The following SLC36A3 variants were observed in gnomAD, a reference collection of about 807,000 sequenced individuals.
SLC36A3 encodes the protein solute carrier family 36 member 3.
Under a neutral mutation model 44.3 loss-of-function variants are expected in SLC36A3, and 35 were observed. The ratio of observed to expected loss-of-function variants is 0.79; its 90% CI spans 0.60 to 1.05. The LOEUF (loss-of-function observed/expected upper bound fraction) is 1.05. Ranked by LOEUF, SLC36A3 falls within the 50% of genes least tolerant of loss-of-function variation. The pLI is 0.00. For synonymous variants in SLC36A3, 211 were observed against 227.6 expected (o/e 0.93, Z 0.66); for missense variants, 540 against 578.7 (o/e 0.93, Z 0.69).
intron 4 of SLC36A3, among the ~76,000 whole-genome samples, chr5:151,289,303 C>T (rs923905151): frequency 1.3e-5 from 2 of 151,830 alleles, no homozygotes; most frequent in African/African-American, 4.8e-5. Flanking sequence ...TTAGTATTAT[C>T]CCAATTCTCT....
chr5:151,290,171 G>A (rs1194262232), intron 4 of SLC36A3, among the ~76,000 whole-genome samples: 1 of 152,070 alleles, frequency 6.6e-6, no homozygotes, highest in Non-Finnish European at 1.5e-5. Context: ...CAAATTTGGA[G>A]ATGCATTTTT....
At chr5:151,300,606 A>G (rs919528972) in intron 1 of SLC36A3, among the ~76,000 whole-genome samples, 1 of 152,092 alleles carries the variant, frequency 6.6e-6, no homozygotes, top group Non-Finnish European at 1.5e-5. Context: ...CCCTATTTGA[A>G]TCAGATATTG....
intron 9 of SLC36A3, among the ~76,000 whole-genome samples, chr5:151,279,938 T>C (rs1237614706): frequency 6.6e-6 from 1 of 152,230 alleles, no homozygotes; most frequent in Non-Finnish European, 1.5e-5. Context: ...TGTGGAAATT[T>C]CCTGAGACTT....
Position 151,287,336 on chromosome 5 carries a change from G to T in SLC36A3, c.618C>A (p.Ile206=), listed in dbSNP as rs746700901. 33 of 1,614,050 alleles carry T rather than the reference G, an allele frequency of 2.0e-5. No homozygotes were observed. Among genetic ancestry groups the T allele is most frequent in the Non-Finnish European group, 2.8e-5 (33 of 1,180,040 alleles). The part of the protein sequence containing the change: ...ILPFLILLVF[I]QNLKVLSVFS... The stretch of plus-strand genomic sequence containing the variant: ...AGACGGACAGCACCTTGAGGTTCTG[G>T]ATAAACACCAACAGGATCAGGAAGG... Residue 206 remains isoleucine, a synonymous_variant, in exon 6 of 10, where the codon ATC becomes ATA. Transcript: ENST00000335230.
At chr5:151,293,108 T>C (rs527396662) in intron 4 of SLC36A3, among the ~76,000 whole-genome samples, 35 of 152,210 alleles carry the variant, frequency 2.3e-4, no homozygotes, top group Non-Finnish European at 4.1e-4. Flanking sequence ...AGAAAGCAAA[T>C]TATGTACTTC....
At chr5:151,289,285 A>G (rs922607059) in intron 4 of SLC36A3, among the ~76,000 whole-genome samples, 8 of 152,112 alleles carry the variant, frequency 5.3e-5, no homozygotes, top group African/African-American at 1.7e-4. Flanking sequence ...CTCTTACATA[A>G]AAATGAGTTA....
At chr5:151,280,715 A>C (rs1460852380) in intron 9 of SLC36A3, among the ~76,000 whole-genome samples, 1 of 152,206 alleles carries the variant, frequency 6.6e-6, no homozygotes, top group African/African-American at 2.4e-5. Flanking sequence ...GGCTATCATC[A>C]GTATTGGATA....
intron 4 of SLC36A3, 46 bp downstream of exon 4, chr5:151,293,318 A>G (rs1754828471): frequency 1.3e-6 from 2 of 1,492,540 alleles, no homozygotes; most frequent in African/African-American, 1.4e-5. Context: ...AAGAAAAGTG[A>G]TATGATGATT....
Position 151,284,073 on chromosome 5 carries a change from G to T in SLC36A3, c.945C>A (p.Ala315=). 1 of 1,613,468 alleles carries T rather than the reference G, an allele frequency of 6.2e-7. No individual in the cohort carries two copies. The highest frequency in any genetic ancestry group is 8.5e-7 in the Non-Finnish European group (1 of 1,179,802). ...AATTGGGCAAGTTGAGGGTGATGCT[G>T]GCCTGGGTGTCTGACCCAAACTTCA... ...GYMKFGSDTQ[A]SITLNLPNCW... The change falls in exon 8 of 10, where the codon GCC becomes GCA. Residue 315 remains alanine (A), a synonymous_variant. Coordinates refer to ENST00000335230, the MANE Select transcript of SLC36A3 (RefSeq NM_181774.4).
chr5:151,293,558 A>G, intron 3 of SLC36A3, 99 bp from the exon 4 acceptor site: 1 of 945,726 alleles, frequency 1.1e-6, no homozygotes, highest in Admixed American at 2.7e-5. Flanking sequence ...GTGTGTGAGC[A>G]TGAAGCCTTC....
chr5:151,293,145 T>A (rs1754820449), intron 4 of SLC36A3, among the ~76,000 whole-genome samples: 1 of 152,172 alleles, frequency 6.6e-6, no homozygotes, highest in Non-Finnish European at 1.5e-5. Flanking sequence ...TTGATGTACA[T>A]GTAGAGAAAA....
intron 2 of SLC36A3, chr5:151,298,198 A>C (rs1156663569): frequency 6.2e-6 from 1 of 161,014 alleles, no homozygotes; most frequent in Non-Finnish European, 1.4e-5. Flanking sequence ...GGATTGATGG[A>C]GGCGTCTATC....
chr5:151,279,576 A>C (rs1754232802), intron 9 of SLC36A3, among the ~76,000 whole-genome samples: 1 of 152,212 alleles, frequency 6.6e-6, no homozygotes, highest in Non-Finnish European at 1.5e-5. Context: ...CTAGTCATGC[A>C]TTCCCTGATA....
intron 2 of SLC36A3, chr5:151,298,023 G>T (rs962381920): frequency 6.6e-6 from 1 of 152,140 alleles, no homozygotes; most frequent in African/African-American, 2.4e-5. Context: ...TCCCAGGTAA[G>T]GTAGATATAA....
At chr5:151,298,548 C>T in intron 2 of SLC36A3, 45 bp downstream of exon 2, 7 of 1,597,302 alleles carry the variant, frequency 4.4e-6, no homozygotes, top group Non-Finnish European at 6.0e-6. Context: ...TCACCCCCTT[C>T]TGCAAATGAG....
chr5:151,277,933 T>C (rs756683759), intron 9 of SLC36A3, among the ~76,000 whole-genome samples: 2 of 152,178 alleles, frequency 1.3e-5, no homozygotes, highest in Admixed American at 6.6e-5. Context: ...ACCTCCCCAC[T>C]GTAGAGATGG....
At chr5:151,288,991 TG>T (rs1173504103) in intron 4 of SLC36A3, 6 of 148,304 alleles carry the variant, frequency 4.0e-5, no homozygotes, top group Non-Finnish European at 8.9e-5. Flanking sequence ...ACCCTGAAGG[TG>T]GGGGTTGCAG....
At chr5:151,291,432 G>A (rs997019161) in intron 4 of SLC36A3, among the ~76,000 whole-genome samples, 25 of 152,132 alleles carry the variant, frequency 1.6e-4, no homozygotes, top group Middle Eastern at 3.4e-3. Flanking sequence ...CATTCCCCTT[G>A]CCCTGTTTAT....
rs376096837 is a variant in SLC36A3 at position 151,287,361 on chromosome 5, G to A, written c.593C>T (p.Pro198Leu). ...GATAAACACCAACAGGATCAGGAAGGGCAGGATTATCAGCATGTAGAAACG... is the reference window on the plus strand; with the variant it reads ...GATAAACACCAACAGGATCAGGAAGAGCAGGATTATCAGCATGTAGAAACG... ...DIRFYMLIIL[P>L]FLILLVFIQN... The change falls in exon 6 of 10, where the codon CCC becomes CTC. Residue 198 changes from proline to leucine, a missense_variant. Coordinates refer to ENST00000335230, the MANE Select transcript of SLC36A3 (RefSeq NM_181774.4). The A allele has an allele frequency of 5.0e-6, 8 of 1,614,018 alleles. No homozygotes were observed. Among genetic ancestry groups the A allele is most frequent in the Non-Finnish European group, 6.8e-6 (8 of 1,180,020 alleles).
Sources: gnomAD v4.1 joint callset for allele counts (sites outside exome capture counted in the v4.1 genomes callset) on GRCh38, gnomAD v4.1.1 for gene constraint, MANE v1.5 for transcripts, NCBI Gene and HGNC (gene_info 2026-07-23, HGNC 2026-07-21) for gene names.